The following XYLT1 variants were observed in gnomAD, a reference collection of about 807,000 sequenced individuals.
The protein encoded by XYLT1 is beta-D-xylosyltransferase 1.
In XYLT1, 36 loss-of-function variants were observed where a neutral mutation model predicts 91.3. The ratio of observed to expected loss-of-function variants is 0.39; its 90% CI spans 0.30 to 0.52. The LOEUF (loss-of-function observed/expected upper bound fraction) is 0.52. Among genes scored for constraint, XYLT1 ranks in the 20% least tolerant of loss-of-function variants. XYLT1 has a pLI of 0.68. For synonymous variants in XYLT1, 588 were observed against 532.0 expected (o/e 1.11, Z -1.45); for missense variants, 1,242 against 1,284.5 (o/e 0.97, Z 0.51).
chr16:17,141,045 C>A (rs999021874), intron 7 of XYLT1, 108 bp downstream of exon 7: 12 of 1,072,362 alleles, frequency 1.1e-5, no homozygotes, highest in Non-Finnish European at 1.5e-5. Context: ...GTGTAGAGGA[C>A]AATGTAGGTG....
intron 3 of XYLT1, among the ~76,000 whole-genome samples, chr16:17,256,144 C>G (rs1436746317): frequency 6.6e-6 from 1 of 152,120 alleles, no homozygotes; most frequent in Non-Finnish European, 1.5e-5. Flanking sequence ...ATGGGGGGGC[C>G]ATAAGGAAGG....
intron 5 of XYLT1, among the ~76,000 whole-genome samples, chr16:17,186,189 C>T (rs1441213326): frequency 2.0e-5 from 3 of 152,102 alleles, no homozygotes; most frequent in African/African-American, 4.8e-5. Context: ...CTGCAACCTC[C>T]ACCTCCTGGG....
In XYLT1 at chr16:17,179,468, C is replaced by T. The variant is rs563414887; in HGVS notation, c.1289+18744G>A. Among the ~76,000 whole-genome samples the T allele has an allele frequency of 7.2e-5, 11 of 152,292 alleles. No individual in the cohort carries two copies. The East Asian group carries it at 9.7e-4, about 13-fold the overall frequency. ...CTTCCTCATAACTTTCTGGCATATCCGTCTAATCGAAGTGTCTTCCTGACC... is the reference window on the plus strand; with the variant it reads ...CTTCCTCATAACTTTCTGGCATATCTGTCTAATCGAAGTGTCTTCCTGACC... On this transcript the variant is annotated intron_variant, in intron 5 of 11. Coordinates refer to ENST00000261381, the MANE Select transcript of XYLT1 (RefSeq NM_022166.4).
Position 17,394,628 on chromosome 16 carries a change from A to G in XYLT1, c.364-36578T>C, listed in dbSNP as rs539677585. Among the ~76,000 whole-genome samples, 13 of 152,348 alleles carry G rather than the reference A, an allele frequency of 8.5e-5. No individual in the cohort carries two copies. In the South Asian group the frequency reaches 2.3e-3, roughly 27 times the overall value. On this transcript the variant is annotated intron_variant, in intron 1 of 11. Transcript: ENST00000261381. ...AGATAAATAAAGCCACCACGCTTAGAGAAAACAACAGAGGAGGGTGGGAAG... is the reference window on the plus strand; with the variant it reads ...AGATAAATAAAGCCACCACGCTTAGGGAAAACAACAGAGGAGGGTGGGAAG...
intron 9 of XYLT1, 31 bp from the exon 10 acceptor site, chr16:17,127,892 C>T: frequency 1.2e-6 from 2 of 1,602,966 alleles, no homozygotes. Context: ...GCATTAGGGC[C>T]CAAGGTGTGT....
chr16:17,431,720 A>C (rs2036394642), intron 1 of XYLT1, among the ~76,000 whole-genome samples: 1 of 152,252 alleles, frequency 6.6e-6, no homozygotes, highest in African/African-American at 2.4e-5. Context: ...AAACGAATCC[A>C]TTCGAAGGCA....
At chr16:17,303,844 C>T (rs1449269307) in intron 2 of XYLT1, among the ~76,000 whole-genome samples, 1 of 152,094 alleles carries the variant, frequency 6.6e-6, no homozygotes, top group Non-Finnish European at 1.5e-5. Context: ...TTTTTCCCAT[C>T]ATTTTGACAT....
Position 17,106,334 on chromosome 16 carries a change from A to G in XYLT1, c.*2361T>C, listed in dbSNP as rs79721126. On this transcript the variant is annotated 3_prime_UTR_variant, in exon 12 of 12. Transcript: ENST00000261381. ...AAAGTGGCTTCGGCAGCCCCAGGGA[A>G]ACCCTGGCCAGAGGCAGAGGCCGGG... is the stretch of plus-strand genomic sequence containing the variant. The G allele has an allele frequency of 6.6e-6, 1 of 152,292 alleles. No homozygotes were observed. Among genetic ancestry groups the G allele is most frequent in the Non-Finnish European group, 1.5e-5 (1 of 68,122 alleles). The allele number at this position is 152,292 out of a possible 1,614,324, so 9.4% of individuals were successfully genotyped here. A position where few individuals can be genotyped will look rare whatever the true frequency, so the allele number is the denominator to read the frequency against.
At chr16:17,281,234 G>T (rs540274643) in intron 2 of XYLT1, among the ~76,000 whole-genome samples, 1 of 152,210 alleles carries the variant, frequency 6.6e-6, no homozygotes, top group Admixed American at 6.5e-5. Context: ...CCCAGTGCCC[G>T]GTCACGCCCG....
intron 5 of XYLT1, among the ~76,000 whole-genome samples, chr16:17,190,371 T>C (rs2032281733): frequency 6.6e-6 from 1 of 152,120 alleles, no homozygotes; most frequent in Non-Finnish European, 1.5e-5. Flanking sequence ...TGTATACATG[T>C]GCCATGTTGG....
At chr16:17,432,464 T>C (rs927293493) in intron 1 of XYLT1, among the ~76,000 whole-genome samples, 1 of 152,176 alleles carries the variant, frequency 6.6e-6, no homozygotes, top group Non-Finnish European at 1.5e-5. Flanking sequence ...CATGCTTCCA[T>C]TTATATAAAA....
At chr16:17,314,470 G>A (rs554687456) in intron 2 of XYLT1, among the ~76,000 whole-genome samples, 2 of 152,332 alleles carry the variant, frequency 1.3e-5, no homozygotes, top group South Asian at 4.1e-4. Flanking sequence ...CTTGGAGCAT[G>A]AGAAGTACCT....
rs541463000 is a variant in XYLT1 at position 17,368,885 on chromosome 16, G to C, written c.364-10835C>G. ...AGGCAAGAGTCAGTGTGCCCAGTTT[G>C]CTTTTTCTCTTGATGACATTAAGTA... On this transcript the variant is annotated intron_variant, in intron 1 of 11. Coordinates refer to ENST00000261381, the MANE Select transcript of XYLT1 (RefSeq NM_022166.4). 5.3e-5 allele frequency among the ~76,000 whole-genome samples: 8 copies of C among 152,034 alleles called. No homozygotes were observed. In the East Asian group the frequency reaches 1.2e-3, roughly 22 times the overall value.
intron 5 of XYLT1, among the ~76,000 whole-genome samples, chr16:17,173,315 G>A (rs1199636140): frequency 6.6e-6 from 1 of 152,230 alleles, no homozygotes; most frequent in Non-Finnish European, 1.5e-5. Flanking sequence ...GCTACTATGA[G>A]TCACGTGCTG....
At chr16:17,141,894 TACA>T (rs1310483707) in intron 6 of XYLT1, among the ~76,000 whole-genome samples, 1 of 152,190 alleles carries the variant, frequency 6.6e-6, no homozygotes, top group Non-Finnish European at 1.5e-5. Context: ...TATACAGGAT[TACA>T]ACATTTTTAA....
rs751657265 is a variant in XYLT1 at position 17,141,267 on chromosome 16, G to A, written c.1473C>T (p.Gly491=). The A allele has an allele frequency of 1.4e-5, 22 of 1,614,018 alleles. No individual in the cohort carries two copies. The South Asian group carries it at 1.5e-4, about 11-fold the overall frequency. The change falls in exon 7 of 12, where the codon GGC becomes GGT. Residue 491 remains glycine, a synonymous_variant. Transcript: ENST00000261381. ...GGTTCAGCAGGAACCAGTCCGAACC[G>A]CCATCCACGGCAATGCCCTCTGGGA... ...RRIPEGIAVD[G]GSDWFLLNRR... is the part of the protein sequence containing the mutation.
intron 5 of XYLT1, among the ~76,000 whole-genome samples, chr16:17,197,645 G>A (rs775101315): frequency 6.6e-6 from 1 of 152,170 alleles, no homozygotes. Flanking sequence ...CAGGCAGAAC[G>A]TGGAAGGAAT....
intron 2 of XYLT1, among the ~76,000 whole-genome samples, chr16:17,274,629 C>G (rs1038963842): frequency 1.3e-5 from 2 of 151,704 alleles, no homozygotes; most frequent in African/African-American, 4.8e-5. Context: ...GGGTGTGGAG[C>G]CTCACATGGT....
intron 2 of XYLT1, among the ~76,000 whole-genome samples, chr16:17,301,573 T>C (rs1372521452): frequency 6.6e-6 from 1 of 152,198 alleles, no homozygotes; most frequent in East Asian, 1.9e-4. Flanking sequence ...AAGAAAGTAA[T>C]GCTTGAGTAA....
Sources: gnomAD v4.1 joint callset for allele counts (sites outside exome capture counted in the v4.1 genomes callset) on GRCh38, gnomAD v4.1.1 for gene constraint, MANE v1.5 for transcripts, NCBI Gene and HGNC (gene_info 2026-07-23, HGNC 2026-07-21) for gene names.